FSTL5: variants seen among roughly 807,000 people sequenced by gnomAD.
FSTL5 encodes follistatin like 5, also known as follistatin-related protein 5.
Under a neutral mutation model 89.1 loss-of-function variants are expected in FSTL5, and 62 were observed. The observed-to-expected ratio is 0.70, with a 90% confidence interval of 0.57 to 0.86. The LOEUF is 0.86. Among genes scored for constraint, FSTL5 ranks in the 40% least tolerant of loss-of-function variants. The pLI, the probability that FSTL5 is intolerant of heterozygous loss-of-function variation, is 0.00. For synonymous variants in FSTL5, 383 were observed against 346.2 expected (o/e 1.11, Z -1.18); for missense variants, 1,057 against 1,001.6 (o/e 1.06, Z -0.75).
At chr4:162,106,677 G>A (rs1440760063) in intron 2 of FSTL5, among the ~76,000 whole-genome samples, 3 of 152,144 alleles carry the variant, frequency 2.0e-5, no homozygotes, top group Non-Finnish European at 4.4e-5. Flanking sequence ...TAAAGAAAAA[G>A]GAGCACAGGG....
intron 6 of FSTL5, among the ~76,000 whole-genome samples, chr4:161,757,388 ATT>A (rs1185693641): frequency 6.6e-6 from 1 of 151,514 alleles, no homozygotes; most frequent in African/African-American, 2.4e-5. Flanking sequence ...ACACACACAC[ATT>A]ATTATATGTA....
chr4:161,472,700 CTGAGA>C (rs1364798151), intron 13 of FSTL5, among the ~76,000 whole-genome samples: 3 of 150,892 alleles, frequency 2.0e-5, no homozygotes, highest in Non-Finnish European at 4.4e-5. Flanking sequence ...CACCATTATG[CTGAGA>C]TAAGACAATT....
intron 1 of FSTL5, among the ~76,000 whole-genome samples, chr4:162,123,193 T>C (rs1397074380): frequency 6.6e-6 from 1 of 152,058 alleles, no homozygotes; most frequent in African/African-American, 2.4e-5. Flanking sequence ...GAAAAAAAAA[T>C]CTGTTACAGT....
At chr4:161,591,886 T>C (rs377014703) in intron 7 of FSTL5, among the ~76,000 whole-genome samples, 1 of 152,186 alleles carries the variant, frequency 6.6e-6, no homozygotes, top group Non-Finnish European at 1.5e-5. Context: ...AAGCTACTAG[T>C]TCCATTTGGC....
intron 3 of FSTL5, among the ~76,000 whole-genome samples, chr4:161,973,728 GA>G (rs1735551028): frequency 6.6e-6 from 1 of 152,114 alleles, no homozygotes; most frequent in Non-Finnish European, 1.5e-5. Flanking sequence ...CAAGAGAGTG[GA>G]AAAATCTTAA....
chr4:161,467,578 C>T (rs907414686), intron 13 of FSTL5, among the ~76,000 whole-genome samples: 9 of 151,902 alleles, frequency 5.9e-5, no homozygotes, highest in East Asian at 1.9e-4. Context: ...GTTTTAAATT[C>T]GGGAAAAACC....
chr4:161,622,097 T>C (rs1192399332), intron 7 of FSTL5, among the ~76,000 whole-genome samples: 1 of 152,100 alleles, frequency 6.6e-6, no homozygotes, highest in Non-Finnish European at 1.5e-5. Flanking sequence ...AATGAATTCA[T>C]GGTATAAACA....
At chr4:161,983,339 A>G (rs974448818) in intron 3 of FSTL5, among the ~76,000 whole-genome samples, 1 of 152,184 alleles carries the variant, frequency 6.6e-6, no homozygotes, top group Admixed American at 6.5e-5. Context: ...CAGCCAAGAC[A>G]GCAAAATTTG....
At chr4:161,496,869 G>A (rs1420904479) in intron 12 of FSTL5, among the ~76,000 whole-genome samples, 12 of 149,512 alleles carry the variant, frequency 8.0e-5, no homozygotes, top group Non-Finnish European at 4.5e-5. Flanking sequence ...GAAACGTGGC[G>A]ACAGAGGTAG....
chr4:161,410,013 A>G (rs551027569), intron 15 of FSTL5, among the ~76,000 whole-genome samples: 30 of 152,324 alleles, frequency 2.0e-4, no homozygotes, highest in Non-Finnish European at 3.1e-4. Context: ...TGATACCCAC[A>G]GGCTAAAAGT....
intron 2 of FSTL5, among the ~76,000 whole-genome samples, chr4:162,041,091 A>C (rs545538413): frequency 6.6e-6 from 1 of 152,020 alleles, no homozygotes; most frequent in Admixed American, 6.6e-5. Context: ...ATTATGTATC[A>C]AATCTAGATA....
intron 6 of FSTL5, among the ~76,000 whole-genome samples, chr4:161,681,047 C>T (rs1261764543): frequency 6.6e-6 from 1 of 151,934 alleles, no homozygotes; most frequent in Admixed American, 6.6e-5. Context: ...GCAAAAGTTC[C>T]GTTACATGAG....
At chr4:161,728,185 T>G (rs927475383) in intron 6 of FSTL5, among the ~76,000 whole-genome samples, 3 of 152,128 alleles carry the variant, frequency 2.0e-5, no homozygotes, top group African/African-American at 7.2e-5. Context: ...CTTAACAGTT[T>G]TGAAGTTATA....
At chr4:161,393,288 T>A (rs78463360) in intron 15 of FSTL5, among the ~76,000 whole-genome samples, 1,940 of 151,942 alleles carry the variant, frequency 0.013, 26 homozygotes, top group Non-Finnish European at 0.018. Context: ...AGAAACAGGT[T>A]TTGCATGAGT....
intron 3 of FSTL5, among the ~76,000 whole-genome samples, chr4:162,017,627 T>A (rs1296961413): frequency 1.3e-5 from 2 of 152,174 alleles, no homozygotes; most frequent in African/African-American, 4.8e-5. Context: ...GTTGTTCGTT[T>A]ATTTTCATAC....
At chr4:161,879,119 T>C (rs571113300) in intron 4 of FSTL5, among the ~76,000 whole-genome samples, 5 of 152,306 alleles carry the variant, frequency 3.3e-5, no homozygotes, top group Admixed American at 6.5e-5. Context: ...AGCTGGCCAG[T>C]TTCTGAGATC....
intron 7 of FSTL5, among the ~76,000 whole-genome samples, chr4:161,653,592 T>C (rs934722624): frequency 1.8e-4 from 27 of 152,228 alleles, no homozygotes; most frequent in Middle Eastern, 3.4e-3. Context: ...AGATATCCAT[T>C]AGACAGTGCT....
intron 6 of FSTL5, among the ~76,000 whole-genome samples, chr4:161,736,741 G>C (rs985528052): frequency 6.6e-6 from 1 of 152,088 alleles, no homozygotes; most frequent in African/African-American, 2.4e-5. Context: ...CTGCAGATTA[G>C]AGGCAGTTAA....
In FSTL5 at chr4:161,532,315, G is replaced by A. The variant is rs191965911; in HGVS notation, c.1312+5851C>T. On this transcript the variant is annotated intron_variant, in intron 10 of 15. Coordinates refer to ENST00000306100, the MANE Select transcript of FSTL5 (RefSeq NM_020116.5). ...CGTAAGATCGAAACAGAAATCTCTC[G>A]ATGTATTAGTATTTATTTCATATTA... Among the ~76,000 whole-genome samples, 662 of 152,068 alleles carry A rather than the reference G, an allele frequency of 4.4e-3. 3 individuals are homozygous for A. The highest frequency in any genetic ancestry group is 0.014 in the Middle Eastern group (4 of 292).
Sources: gnomAD v4.1 joint callset for allele counts (sites outside exome capture counted in the v4.1 genomes callset) on GRCh38, gnomAD v4.1.1 for gene constraint, MANE v1.5 for transcripts, NCBI Gene and HGNC (gene_info 2026-07-23, HGNC 2026-07-21) for gene names.